The following ZMAT4 variants were observed in gnomAD, a reference collection of about 807,000 sequenced individuals.
ZMAT4 encodes the protein zinc finger matrin-type 4, also known as zinc finger matrin-type protein 4.
In ZMAT4, 17 loss-of-function variants were observed where a neutral mutation model predicts 28.7. That is an observed-to-expected ratio of 0.59 (90% CI 0.41 to 0.89). The LOEUF is 0.89. Among genes scored for constraint, ZMAT4 ranks in the 40% least tolerant of loss-of-function variants. The probability of loss-of-function intolerance (pLI) is 0.00; values close to 1 mark genes in which losing one functional copy is unlikely to be tolerated. For synonymous variants in ZMAT4, 117 were observed against 109.2 expected (o/e 1.07, Z -0.44); for missense variants, 240 against 283.8 (o/e 0.85, Z 1.11).
chr8:40,707,011 T>C (rs957744679), intron 3 of ZMAT4, among the ~76,000 whole-genome samples: 1 of 152,170 alleles, frequency 6.6e-6, no homozygotes, highest in African/African-American at 2.4e-5. Flanking sequence ...ACTAAACAGT[T>C]GATTCAACTC....
At chr8:40,774,306 T>C (rs1813501354) in intron 2 of ZMAT4, among the ~76,000 whole-genome samples, 2 of 152,180 alleles carry the variant, frequency 1.3e-5, no homozygotes, top group Admixed American at 1.3e-4. Flanking sequence ...TACAACTGTT[T>C]AATTTAAAAA....
intron 5 of ZMAT4, among the ~76,000 whole-genome samples, chr8:40,661,775 T>A (rs1053477695): frequency 1.3e-5 from 2 of 152,202 alleles, no homozygotes; most frequent in African/African-American, 2.4e-5. Context: ...TAGAACCTTA[T>A]GAAACCACTA....
At chr8:40,655,514 A>G (rs2118835776) in intron 5 of ZMAT4, among the ~76,000 whole-genome samples, 1 of 152,160 alleles carries the variant, frequency 6.6e-6, no homozygotes, top group East Asian at 1.9e-4. Flanking sequence ...GAAAAAAAAA[A>G]AGAACAAAAT....
At chr8:40,741,599 G>T (rs1012731237) in intron 3 of ZMAT4, among the ~76,000 whole-genome samples, 2 of 152,168 alleles carry the variant, frequency 1.3e-5, no homozygotes, top group Non-Finnish European at 2.9e-5. Context: ...AATATCATTT[G>T]TGAAGATGAG....
At chr8:40,627,172 C>T (rs1337058148) in intron 5 of ZMAT4, among the ~76,000 whole-genome samples, 2 of 152,114 alleles carry the variant, frequency 1.3e-5, no homozygotes, top group Non-Finnish European at 2.9e-5. Flanking sequence ...TCAGTTTGTC[C>T]TTGAAAATCT....
intron 3 of ZMAT4, among the ~76,000 whole-genome samples, chr8:40,718,066 A>T (rs1208082666): frequency 6.6e-6 from 1 of 152,222 alleles, no homozygotes; most frequent in Non-Finnish European, 1.5e-5. Context: ...GATCCAATCC[A>T]GGATACCACA....
chr8:40,621,138 A>C (rs146725403), intron 5 of ZMAT4, among the ~76,000 whole-genome samples: 152 of 152,314 alleles, frequency 1.0e-3, no homozygotes, highest in African/African-American at 3.5e-3. Flanking sequence ...AGAACACTGT[A>C]GTTAAAATCT....
chr8:40,703,194 T>C (rs372851246), intron 3 of ZMAT4, among the ~76,000 whole-genome samples: 4 of 152,132 alleles, frequency 2.6e-5, no homozygotes, highest in Non-Finnish European at 4.4e-5. Context: ...TTATAGAACA[T>C]AGCTACTGTG....
chr8:40,848,285 C>G (rs1305762132), intron 1 of ZMAT4, among the ~76,000 whole-genome samples: 1 of 152,180 alleles, frequency 6.6e-6, no homozygotes, highest in Admixed American at 6.5e-5. Flanking sequence ...CATCTGCCCT[C>G]GATGTGGAAG....
In ZMAT4 at chr8:40,653,414, A is replaced by G. The variant is rs75490638; in HGVS notation, c.577+21290T>C. Among the ~76,000 whole-genome samples the G allele has an allele frequency of 1.3e-3, 197 of 152,236 alleles. 1 individual carries two copies. The East Asian group carries it at 0.034, about 26-fold the overall frequency. On this transcript the variant is annotated intron_variant, in intron 5 of 6. Coordinates refer to ENST00000297737, the MANE Select transcript of ZMAT4 (RefSeq NM_024645.3). ...AAGGAAGGAAATAATACATTAGAAT[A>G]GAAGAAGATGAAATAGATTATAGAA...
At chr8:40,812,713 C>T (rs879775003) in intron 2 of ZMAT4, among the ~76,000 whole-genome samples, 8 of 152,056 alleles carry the variant, frequency 5.3e-5, no homozygotes, top group Admixed American at 2.6e-4. Flanking sequence ...GGCGGATCAC[C>T]TGAGGTCAGG....
chr8:40,685,740 G>A lies in ZMAT4; in HGVS notation c.350-10809C>T, dbSNP rs186161245. ...CAGCTGATTAAAGAAGCCCATCTCA[G>A]GCCCCAACCTCGACCACAGGATAAG... On this transcript the variant is annotated intron_variant, in intron 4 of 6. Transcript: ENST00000297737. Among the ~76,000 whole-genome samples, 127 of 152,090 alleles carry A rather than the reference G, an allele frequency of 8.4e-4. 1 individual carries two copies. In the East Asian group the frequency reaches 0.013, roughly 16 times the overall value.
intron 2 of ZMAT4, 131 bp from the exon 3 acceptor site, chr8:40,767,861 G>A (rs1813228298): frequency 1.5e-6 from 1 of 676,598 alleles, no homozygotes; most frequent in Non-Finnish European, 2.4e-6. Flanking sequence ...ACTCCTGTGA[G>A]GGATGTAGGA....
At chr8:40,582,784 A>C (rs1804534364) in intron 5 of ZMAT4, among the ~76,000 whole-genome samples, 1 of 152,206 alleles carries the variant, frequency 6.6e-6, no homozygotes. Context: ...CATGTATGTG[A>C]GAGTGCCCAG....
At chr8:40,651,963 T>G (rs1807681359) in intron 5 of ZMAT4, among the ~76,000 whole-genome samples, 1 of 110,140 alleles carries the variant, frequency 9.1e-6, no homozygotes, top group Non-Finnish European at 2.0e-5. Flanking sequence ...ATGTTAGACC[T>G]AAAACCATAA....
chr8:40,619,616 G>A (rs550933990), intron 5 of ZMAT4, among the ~76,000 whole-genome samples: 77 of 152,338 alleles, frequency 5.1e-4, no homozygotes, highest in African/African-American at 1.7e-3. Context: ...AGACAGGACA[G>A]GCATGCAGGG....
intron 2 of ZMAT4, chr8:40,808,668 G>C (rs1815191394): frequency 2.7e-6 from 1 of 366,200 alleles, no homozygotes; most frequent in South Asian, 2.1e-5. Context: ...ACTCAGGGGA[G>C]GTAACAAGAA....
intron 2 of ZMAT4, chr8:40,786,671 T>A: frequency 7.8e-7 from 1 of 1,286,326 alleles, no homozygotes; most frequent in Non-Finnish European, 1.0e-6. Context: ...CATTCAGTCC[T>A]TGTGCCTCCC....
chr8:40,840,371 G>T (rs1265339710), intron 1 of ZMAT4, among the ~76,000 whole-genome samples: 10 of 152,108 alleles, frequency 6.6e-5, no homozygotes, highest in Admixed American at 3.9e-4. Flanking sequence ...TACTATACCT[G>T]CACCAAAGCC....
Sources: allele counts gnomAD v4.1 joint callset (sites outside exome capture counted in the v4.1 genomes callset), GRCh38; gene constraint gnomAD v4.1.1; transcripts MANE v1.5; gene names NCBI Gene and HGNC (gene_info 2026-07-23, HGNC 2026-07-21).